Variants in CDK13 observed in about 807,000 individuals in gnomAD.
CDK13 encodes cyclin-dependent kinase 13.
In CDK13, 40 loss-of-function variants were observed where a neutral mutation model predicts 137.6. The ratio of observed to expected loss-of-function variants is 0.29; its 90% CI spans 0.23 to 0.38. The LOEUF is 0.38. CDK13 is among the 10% of genes least tolerant of loss of function. The pLI, the probability that CDK13 is intolerant of heterozygous loss-of-function variation, is 1.00. For missense variants in CDK13, 1,704 were observed against 1,951.8 expected (o/e 0.87, Z 2.39); for synonymous variants, 869 against 760.1 (o/e 1.14, Z -2.36).
intron 5 of CDK13, among the ~76,000 whole-genome samples, chr7:40,006,416 T>A (rs891879241): frequency 1.3e-5 from 2 of 152,244 alleles, no homozygotes; most frequent in African/African-American, 2.4e-5. Context: ...CTTTTCTTTG[T>A]TACTTTCTTC....
chr7:40,002,207 T>C (rs1784697977), intron 5 of CDK13, 176 bp downstream of exon 5: 1 of 470,936 alleles, frequency 2.1e-6, no homozygotes, highest in Non-Finnish European at 3.7e-6. Flanking sequence ...TTAGTGGTTT[T>C]TGAGTAAACT....
chr7:40,084,832 TA>T (rs1411348981), intron 11 of CDK13, among the ~76,000 whole-genome samples: 2 of 152,178 alleles, frequency 1.3e-5, no homozygotes, highest in Non-Finnish European at 2.9e-5. Flanking sequence ...ATCCCATTTT[TA>T]AAGACAAGGA....
chr7:40,016,874 T>G (rs1785015649), intron 5 of CDK13, among the ~76,000 whole-genome samples: 1 of 152,142 alleles, frequency 6.6e-6, no homozygotes, highest in Non-Finnish European at 1.5e-5. Context: ...AATTATAAAA[T>G]TATATTTGGT....
Position 39,956,596 on chromosome 7 carries a change from T to G in CDK13, c.1211+4744T>G, listed in dbSNP as rs551488310. 6.5e-4 allele frequency among the ~76,000 whole-genome samples: 99 copies of G among 152,298 alleles called. 1 individual carries two copies. Among genetic ancestry groups the G allele is most frequent in the Admixed American group, 1.8e-3 (27 of 15,284 alleles). ...ATTATTAGAATAAACCTAAACTTTT[T>G]TTTTTAGGGATAGTGTCTAGGTCAC... On this transcript the variant is annotated intron_variant, in intron 1 of 13. Coordinates refer to ENST00000181839, the MANE Select transcript of CDK13 (RefSeq NM_003718.5).
At chr7:39,959,807 G>C (rs533898620) in intron 1 of CDK13, among the ~76,000 whole-genome samples, 28 of 148,688 alleles carry the variant, frequency 1.9e-4, no homozygotes, top group Admixed American at 1.4e-3. Flanking sequence ...AAATTAACTT[G>C]CAAGACCTAC....
rs139983281 is a variant in CDK13 at position 40,016,654 on chromosome 7, G to T, written c.2353+14623G>T. On this transcript the variant is annotated intron_variant, in intron 5 of 13. Coordinates refer to ENST00000181839, the MANE Select transcript of CDK13 (RefSeq NM_003718.5). ...CTGTGGCATAACTTTTAAACAAGGA[G>T]GCATAGTTCTTCTTTATACCTCATT... is the stretch of plus-strand genomic sequence containing the variant. Among the ~76,000 whole-genome samples, 65 of 152,130 alleles carry T rather than the reference G, an allele frequency of 4.3e-4. 1 individual carries two copies. Among genetic ancestry groups the T allele is most frequent in the African/African-American group, 1.5e-3 (62 of 41,512 alleles).
At chr7:40,066,591 T>C (rs1193660172) in intron 9 of CDK13, 1 of 152,244 alleles carries the variant, frequency 6.6e-6, no homozygotes, top group Non-Finnish European at 1.5e-5. Context: ...TTTAAGACAT[T>C]GCTGTCTAAT....
At chr7:40,002,493 G>A (rs1784703523) in intron 5 of CDK13, among the ~76,000 whole-genome samples, 1 of 152,102 alleles carries the variant, frequency 6.6e-6, no homozygotes, top group African/African-American at 2.4e-5. Context: ...TATATGTATA[G>A]TTATTATTTA....
At chr7:39,976,031 A>G (rs1784097349) in intron 1 of CDK13, among the ~76,000 whole-genome samples, 1 of 151,990 alleles carries the variant, frequency 6.6e-6, no homozygotes, top group African/African-American at 2.4e-5. Flanking sequence ...ATTAAACAGG[A>G]TCACACCTGT....
chr7:39,989,657 C>T (rs1026612671), intron 2 of CDK13, among the ~76,000 whole-genome samples: 1 of 152,010 alleles, frequency 6.6e-6, no homozygotes, highest in African/African-American at 2.4e-5. Flanking sequence ...TCAGGGAACG[C>T]TGAAGGTTCA....
intron 5 of CDK13, among the ~76,000 whole-genome samples, chr7:40,017,958 G>T (rs1193180629): frequency 6.7e-6 from 1 of 150,144 alleles, no homozygotes; most frequent in African/African-American, 2.5e-5. Flanking sequence ...ATGTTCTGAG[G>T]ATTCCTGTTT....
At chr7:40,032,628 A>C (rs1019651755) in intron 5 of CDK13, among the ~76,000 whole-genome samples, 3 of 152,128 alleles carry the variant, frequency 2.0e-5, no homozygotes, top group African/African-American at 7.2e-5. Context: ...TTTAAGCAGC[A>C]GTTGCTGAAA....
chr7:40,052,280 G>A (rs571000707), intron 7 of CDK13, among the ~76,000 whole-genome samples: 2 of 152,056 alleles, frequency 1.3e-5, no homozygotes, highest in Non-Finnish European at 2.9e-5. Context: ...AGGTTTAAGC[G>A]ATTCTCCTGC....
chr7:39,989,284 G>T (rs953885335), intron 2 of CDK13, among the ~76,000 whole-genome samples: 4 of 151,338 alleles, frequency 2.6e-5, no homozygotes, highest in Non-Finnish European at 5.9e-5. Flanking sequence ...AGACTTGTGT[G>T]GTTTATCTGC....
chr7:39,989,492 CACAA>C (rs532587499), intron 2 of CDK13, among the ~76,000 whole-genome samples: 126 of 151,950 alleles, frequency 8.3e-4, no homozygotes, highest in African/African-American at 2.8e-3. Context: ...TATAATTTAA[CACAA>C]ACAAAAGTGA....
intron 9 of CDK13, among the ~76,000 whole-genome samples, chr7:40,074,121 C>G (rs1311679092): frequency 6.6e-6 from 1 of 152,144 alleles, no homozygotes. Context: ...AGCCTAGTCT[C>G]AAACTCCTGC....
intron 5 of CDK13, among the ~76,000 whole-genome samples, chr7:40,028,824 T>C (rs763905425): frequency 2.0e-5 from 3 of 151,564 alleles, no homozygotes; most frequent in Non-Finnish European, 4.4e-5. Flanking sequence ...TGCAAATATA[T>C]ATAAATATAT....
At chr7:40,039,688 T>C (rs1183222842) in intron 5 of CDK13, among the ~76,000 whole-genome samples, 3 of 152,070 alleles carry the variant, frequency 2.0e-5, no homozygotes, top group Non-Finnish European at 4.4e-5. Context: ...TGCCTCAGCC[T>C]CCCAAAGTAC....
chr7:40,064,833 C>G (rs533798840), intron 9 of CDK13, among the ~76,000 whole-genome samples: 2 of 148,792 alleles, frequency 1.3e-5, no homozygotes, highest in East Asian at 3.9e-4. Flanking sequence ...ACTTTGTTGC[C>G]TAGGCTGGAG....
Sources: allele counts gnomAD v4.1 joint callset (sites outside exome capture counted in the v4.1 genomes callset), GRCh38; gene constraint gnomAD v4.1.1; transcripts MANE v1.5; gene names NCBI Gene and HGNC (gene_info 2026-07-23, HGNC 2026-07-21).